Variants in KDM4B observed in about 807,000 individuals in gnomAD.
KDM4B encodes the protein lysine demethylase 4B.
KDM4B carries 32 observed loss-of-function variants against 125.2 expected under a neutral mutation model. The observed-to-expected ratio is 0.26, with a 90% CI of 0.19 to 0.34. KDM4B has a LOEUF of 0.34. Ranked by LOEUF, KDM4B falls within the 10% of genes least tolerant of loss-of-function variation. The pLI, the probability that KDM4B is intolerant of heterozygous loss-of-function variation, is 1.00. For missense variants in KDM4B, 1,190 were observed against 1,577.7 expected (o/e 0.75, Z 4.16); for synonymous variants, 721 against 677.9 (o/e 1.06, Z -0.99).
chr19:4,978,958 T>C (rs879611730), intron 1 of KDM4B, among the ~76,000 whole-genome samples: 2 of 152,158 alleles, frequency 1.3e-5, no homozygotes, highest in Non-Finnish European at 2.9e-5. Flanking sequence ...CCGCAGGGCC[T>C]CTTGGTGGAA....
chr19:5,112,575 C>T (rs1039999507), intron 10 of KDM4B: 1 of 152,310 alleles, frequency 6.6e-6, no homozygotes, highest in Non-Finnish European at 1.5e-5. Flanking sequence ...TGAAAAGTCA[C>T]TTCTGGTCCA....
rs561207907 is a variant in KDM4B, at chr19:4,973,464, C to T, written c.-109+4234C>T. Reference sequence around the variant, plus strand: ...TCGGCCTCCCAAAGTGCTGGGATTACAGGCATGAGCCACTATGCTCGGCCA... The same window carrying T: ...TCGGCCTCCCAAAGTGCTGGGATTATAGGCATGAGCCACTATGCTCGGCCA... On this transcript the variant is annotated intron_variant, in intron 1 of 22. Coordinates refer to ENST00000159111, the MANE Select transcript of KDM4B (RefSeq NM_015015.3). Among the ~76,000 whole-genome samples the T allele has an allele frequency of 9.2e-5, 14 of 152,282 alleles. 1 individual carries two copies. In the South Asian group the frequency reaches 2.9e-3, roughly 32 times the overall value.
Position 5,131,497 on chromosome 19 carries a change from C to CAGT in KDM4B, c.1738_1740dup (p.Ser580dup). The CAGT allele has an allele frequency of 6.8e-7, 1 of 1,462,930 alleles. No homozygotes were observed. Among genetic ancestry groups the CAGT allele is most frequent in the African/African-American group, 2.2e-5 (1 of 46,416 alleles). 90.6% of individuals were successfully genotyped at this position (1,462,930 alleles called of 1,614,324 possible). A position where few individuals can be genotyped will look rare whatever the true frequency, so the allele number is the denominator to read the frequency against. Reference sequence around the variant, plus strand: ...CGGGGCCAGAGGACGGTGCAGCCAGCAGTGGGGCAGGTCGCATGGAGACCA... The same window carrying CAGT: ...CGGGGCCAGAGGACGGTGCAGCCAGCAGTAGTGGGGCAGGTCGCATGGAGACCA... On this transcript the variant is annotated inframe_insertion, in exon 12 of 23. Transcript: ENST00000159111.
intron 6 of KDM4B, among the ~76,000 whole-genome samples, chr19:5,053,342 C>T (rs2145734884): frequency 6.6e-6 from 1 of 152,346 alleles, no homozygotes; most frequent in African/African-American, 2.4e-5. Context: ...GCCTCGCTCC[C>T]AGGCAGGGGA....
chr19:5,119,533 C>T (rs2256523), intron 10 of KDM4B, 120 bp from the exon 11 acceptor site: 265,800 of 998,318 alleles, frequency 0.27, 39,558 homozygotes, highest in East Asian at 0.66. Context: ...AGGAGGCCCC[C>T]TGCTCATGGA....
chr19:4,994,884 G>A (rs2035150626), intron 1 of KDM4B, among the ~76,000 whole-genome samples: 1 of 151,922 alleles, frequency 6.6e-6, no homozygotes, highest in Non-Finnish European at 1.5e-5. Context: ...AGTTGCTGTC[G>A]GTCTTATAGG....
Position 5,137,255 on chromosome 19 carries a change from C to T in KDM4B, c.2309-7C>T. On this transcript the variant is annotated splice_polypyrimidine_tract_variant and splice_region_variant and intron_variant, in intron 15 of 22. Transcript: ENST00000159111. ...CCAGATCTCAGCCAGCCCCCGCTGT[C>T]TTCCAGGTTGCTATGGCATCCGTCC... 1.3e-6 allele frequency: 2 copies of T among 1,566,954 alleles called. No homozygotes were observed. The highest frequency in any genetic ancestry group is 1.7e-6 in the Non-Finnish European group (2 of 1,155,740).
In KDM4B at chr19:5,114,913, G is replaced by A. The variant is rs942524718; in HGVS notation, c.1115+4095G>A. Among the ~76,000 whole-genome samples the A allele has an allele frequency of 2.0e-5, 3 of 152,242 alleles. No individual in the cohort carries two copies. The highest frequency in any genetic ancestry group is 6.5e-5 in the Admixed American group (1 of 15,284). On this transcript the variant is annotated intron_variant, in intron 10 of 22. Coordinates refer to ENST00000159111, the MANE Select transcript of KDM4B (RefSeq NM_015015.3). This position sits in a 1 kb window ranked among gnomAD's most constrained non-coding sequence, Gnocchi z 5.8. ...AGTGCAGTTATCTGGACTATGTCCC[G>A]ACATTTGGCTCATAGGAATGAGCCC...
Position 5,150,933 on chromosome 19 carries a change from G to A in KDM4B, c.3115-402G>A, listed in dbSNP as rs527750180. Among the ~76,000 whole-genome samples, 5 of 152,322 alleles carry A rather than the reference G, an allele frequency of 3.3e-5. No homozygotes were observed. The East Asian group carries it at 5.8e-4, about 18-fold the overall frequency. Reference sequence around the variant, plus strand: ...GGCAGCGGAGGCAGCTCCAGCTTTCGCTCCCCCAGCCCTCATGGGCTTCCT... The same window carrying A: ...GGCAGCGGAGGCAGCTCCAGCTTTCACTCCCCCAGCCCTCATGGGCTTCCT... On this transcript the variant is annotated intron_variant, in intron 22 of 22. Coordinates refer to ENST00000159111, the MANE Select transcript of KDM4B (RefSeq NM_015015.3).
intron 9 of KDM4B, among the ~76,000 whole-genome samples, chr19:5,092,833 T>C (rs2038738819): frequency 6.6e-6 from 1 of 152,174 alleles, no homozygotes. Flanking sequence ...GCATCCCGGC[T>C]CATGGCTGTT....
At chr19:5,047,162 T>A in intron 5 of KDM4B, 1 of 267,162 alleles carries the variant, frequency 3.7e-6, no homozygotes, top group Non-Finnish European at 7.2e-6. Context: ...CCAGGTGTGG[T>A]TTCTCACGCC....
At chr19:5,050,020 C>T (rs774110176) in intron 6 of KDM4B, among the ~76,000 whole-genome samples, 2 of 152,280 alleles carry the variant, frequency 1.3e-5, no homozygotes, top group East Asian at 1.9e-4. Context: ...CTTCCTCGGG[C>T]CCTTGGGGTA....
At chr19:5,113,763 G>A (rs2039198574) in intron 10 of KDM4B, 12 of 394,732 alleles carry the variant, frequency 3.0e-5, no homozygotes, top group Admixed American at 1.3e-4. Flanking sequence ...CCAGTCCCCC[G>A]CGTGGGAACC....
chr19:5,004,135 G>T (rs561061823), intron 1 of KDM4B, among the ~76,000 whole-genome samples: 4 of 152,312 alleles, frequency 2.6e-5, no homozygotes. Flanking sequence ...GGTGGATGGC[G>T]TGTGTCCTGG....
chr19:5,063,764 C>T (rs536847661), intron 6 of KDM4B, among the ~76,000 whole-genome samples: 1 of 152,372 alleles, frequency 6.6e-6, no homozygotes, highest in South Asian at 2.1e-4. Flanking sequence ...ACATAGAAGG[C>T]GCTCAGAGAA....
intron 9 of KDM4B, among the ~76,000 whole-genome samples, chr19:5,102,584 G>A (rs1356190810): frequency 6.6e-6 from 1 of 152,154 alleles, no homozygotes; most frequent in African/African-American, 2.4e-5. Context: ...GGGCCGGGGT[G>A]GCATCTGGGG....
At chr19:5,056,411 T>C (rs190538619) in intron 6 of KDM4B, among the ~76,000 whole-genome samples, 6 of 150,852 alleles carry the variant, frequency 4.0e-5, no homozygotes, top group Non-Finnish European at 7.4e-5. Flanking sequence ...CTTTCTTTTT[T>C]TTTTTTTTTT....
chr19:5,109,101 T>A (rs1364243974), intron 9 of KDM4B, among the ~76,000 whole-genome samples: 3 of 152,206 alleles, frequency 2.0e-5, no homozygotes, highest in Non-Finnish European at 2.9e-5. Flanking sequence ...GTGCCCATCA[T>A]CCGTGATGCT....
chr19:4,973,266 G>A (rs1343760580), intron 1 of KDM4B, among the ~76,000 whole-genome samples: 1 of 152,144 alleles, frequency 6.6e-6, no homozygotes, highest in African/African-American at 2.4e-5. Context: ...TCAGCTCACT[G>A]CAACCTCCGC....
Sources: allele counts gnomAD v4.1 joint callset (sites outside exome capture counted in the v4.1 genomes callset), GRCh38; gene constraint gnomAD v4.1.1; non-coding constraint Gnocchi (gnomAD v3.1); transcripts MANE v1.5; gene names NCBI Gene and HGNC (gene_info 2026-07-23, HGNC 2026-07-21).